Variants in KIF1C observed in about 807,000 individuals in gnomAD.
KIF1C encodes the protein kinesin family member 1C.
Under a neutral mutation model 126.5 loss-of-function variants are expected in KIF1C, and 61 were observed. The ratio of observed to expected loss-of-function variants is 0.48; its 90% CI spans 0.39 to 0.60. The LOEUF is 0.60. Among genes scored for constraint, KIF1C ranks in the 20% least tolerant of loss-of-function variants. The pLI is 0.00. For missense variants in KIF1C, 1,315 were observed against 1,489.2 expected (o/e 0.88, Z 1.93); for synonymous variants, 640 against 580.6 (o/e 1.10, Z -1.47).
chr17:5,026,970 T>C lies in KIF1C; in HGVS notation c.*2819T>C, dbSNP rs1340892851. 1 of 152,130 alleles carries C rather than the reference T, an allele frequency of 6.6e-6. No homozygotes were observed. The highest frequency in any genetic ancestry group is 2.1e-4 in the South Asian group (1 of 4,828). The allele number at this position is 152,130 out of a possible 1,614,324, so 9.4% of individuals were successfully genotyped here. On this transcript the variant is annotated 3_prime_UTR_variant, in exon 23 of 23. Coordinates refer to ENST00000320785, the MANE Select transcript of KIF1C (RefSeq NM_006612.6). The stretch of plus-strand genomic sequence containing the variant: ...CAAAAATAATACTGTGGGCAAACTT[T>C]ACTTAGATTTTATTCAGAGTAGTGC...
In KIF1C at chr17:5,022,496, C is replaced by G. The variant is rs777508180; in HGVS notation, c.2415C>G (p.Asp805Glu). The G allele has an allele frequency of 6.3e-7, 1 of 1,587,644 alleles. No individual in the cohort carries two copies. ...GGGCTGTGGCCCGGGATGTCTGGGACACTGTAGGCGAGGAGGAAGGAGGTG... is the reference window on the plus strand; with the variant it reads ...GGGCTGTGGCCCGGGATGTCTGGGAGACTGTAGGCGAGGAGGAAGGAGGTG... Reference protein sequence around the residue: ...AWRAVARDVWDTVGEEEGGGA... With the variant: ...AWRAVARDVWETVGEEEGGGA... Residue 805 changes from aspartate to glutamate, a missense_variant, in exon 22 of 23, where the codon GAC becomes GAG. Asp to Glu is a conservative substitution (Grantham distance 45). Coordinates refer to ENST00000320785, the MANE Select transcript of KIF1C (RefSeq NM_006612.6). This position sits in a 1 kb window ranked among gnomAD's most constrained non-coding sequence, Gnocchi z 4.9.
In KIF1C at chr17:5,025,652, AAAAAT is replaced by A. The variant is rs1975196476; in HGVS notation, c.*1506_*1510del. 6.6e-6 allele frequency: 1 copy of A among 152,034 alleles called. No homozygotes were observed. Among genetic ancestry groups the A allele is most frequent in the Non-Finnish European group, 1.5e-5 (1 of 68,028 alleles). The allele number at this position is 152,034 out of a possible 1,614,324, so 9.4% of individuals were successfully genotyped here. A position where few individuals can be genotyped will look rare whatever the true frequency, so the allele number is the denominator to read the frequency against. On this transcript the variant is annotated 3_prime_UTR_variant, in exon 23 of 23. Coordinates refer to ENST00000320785, the MANE Select transcript of KIF1C (RefSeq NM_006612.6). ...ATCATGGTGAAACCCCATCTCTACT[AAAAAT>A]AAAAATAAAAAAATTAGCCGGGCAT...
chr17:5,000,351 C>T lies in KIF1C; in HGVS notation c.105C>T (p.Thr35=), dbSNP rs1974550478. 6.3e-7 allele frequency: 1 copy of T among 1,575,276 alleles called. No individual in the cohort carries two copies. ...KCVVSMQGNT[T]SIINPKQSKD... is the part of the protein sequence containing the mutation. ...TGGTCAGCATGCAGGGCAACACCAC[C>T]TGTGAGTGAGTCCCCGGGGCCTGGC... The change falls in exon 3 of 23, where the codon ACC becomes ACT. Residue 35 remains threonine (T), a splice_region_variant and synonymous_variant. Coordinates refer to ENST00000320785, the MANE Select transcript of KIF1C (RefSeq NM_006612.6).
In KIF1C at chr17:5,015,142, CCTT is replaced by C. The variant is rs1210854028; in HGVS notation, c.1666+309_1666+311del. On this transcript the variant is annotated intron_variant, in intron 18 of 22. Transcript: ENST00000320785. Reference sequence around the variant, plus strand: ...GATTTTGCTGAAGAGAAGATCCTGCCCTTCTTGATCTTGTTCACCACAACTAGC... The same window carrying C: ...GATTTTGCTGAAGAGAAGATCCTGCCCTTGATCTTGTTCACCACAACTAGC... Among the ~76,000 whole-genome samples the C allele has an allele frequency of 2.6e-5, 4 of 152,246 alleles. No homozygotes were observed. In the South Asian group the frequency reaches 8.3e-4, roughly 32 times the overall value.
intron 11 of KIF1C, 120 bp downstream of exon 11, chr17:5,004,193 C>A (rs556014939): frequency 9.9e-6 from 8 of 804,998 alleles, no homozygotes; most frequent in South Asian, 8.3e-5. Context: ...ACTTCTCCCC[C>A]TGACCCTTCA....
intron 16 of KIF1C, chr17:5,011,973 C>A (rs565962138): frequency 6.6e-6 from 1 of 152,212 alleles, no homozygotes; most frequent in Non-Finnish European, 1.5e-5. Flanking sequence ...CACTTTGTTC[C>A]TCTTTGCATG....
rs533724781 is a variant in KIF1C, at chr17:5,022,551, G to A, written c.2470G>A (p.Gly824Arg). The change falls in exon 22 of 23, where the codon GGA becomes AGA. Residue 824 changes from glycine to arginine, a missense_variant. Physicochemically the swap from Gly to Arg is moderately radical, Grantham distance 125. Around this residue, in one of 2 missense-constraint regions of KIF1C, gnomAD observed 441 missense variants for 436.1 expected, o/e 1.01. Transcript: ENST00000320785. The surrounding 1 kb of genome is among the most constrained non-coding windows in gnomAD (Gnocchi z 4.9). Reference protein sequence around the residue: ...GAGSGGGSEEGARGAEVEDLR... With the variant: ...GAGSGGGSEERARGAEVEDLR... Reference sequence around the variant, plus strand: ...TGGCAGTGGTGGTGGCAGTGAGGAGGGAGCCCGAGGGGCGGAGGTGGAGGA... The same window carrying A: ...TGGCAGTGGTGGTGGCAGTGAGGAGAGAGCCCGAGGGGCGGAGGTGGAGGA... 2.4e-4 allele frequency: 383 copies of A among 1,589,404 alleles called. 3 individuals are homozygous for A. The South Asian group carries it at 4.1e-3, about 17-fold the overall frequency.
rs1291871672 is a variant in KIF1C, at chr17:5,002,497, C to G, written c.463C>G (p.Arg155Gly). The stretch of plus-strand genomic sequence containing the variant: ...TATGGAGATCTACTGTGAGCGGGTA[C>G]GAGACCTCTTGAACCCCAAGAGTCG... Reference protein sequence around the residue: ...SYMEIYCERVRDLLNPKSRGS... With the variant: ...SYMEIYCERVGDLLNPKSRGS... Residue 155 changes from arginine to glycine, a missense_variant, in exon 7 of 23, where the codon CGA becomes GGA. This residue lies in a region of KIF1C where 874 missense variants were observed against 1,053.2 expected (regional missense o/e 0.83). Transcript: ENST00000320785. 6.2e-7 allele frequency: 1 copy of G among 1,610,860 alleles called. No individual in the cohort carries two copies. The highest frequency in any genetic ancestry group is 1.3e-5 in the African/African-American group (1 of 74,838).
rs374636319 is a variant in KIF1C, at chr17:5,020,765, T to C, written c.1938-41T>C. On this transcript the variant is annotated intron_variant, in intron 20 of 22. Coordinates refer to ENST00000320785, the MANE Select transcript of KIF1C (RefSeq NM_006612.6). This position sits in a 1 kb window ranked among gnomAD's most constrained non-coding sequence, Gnocchi z 5.8. The stretch of plus-strand genomic sequence containing the variant: ...CCCGTGTCCTCCTCTTGTCAGATAC[T>C]CACCAAGGTTGCTCTTCCTTCCCTC... The C allele has an allele frequency of 1.3e-6, 2 of 1,599,488 alleles. No individual in the cohort carries two copies. The highest frequency in any genetic ancestry group is 2.3e-5 in the East Asian group (1 of 44,414).
chr17:5,016,309 G>T (rs2143364208), intron 18 of KIF1C, among the ~76,000 whole-genome samples: 1 of 151,660 alleles, frequency 6.6e-6, no homozygotes, highest in East Asian at 2.0e-4. Flanking sequence ...GGCTAATTTT[G>T]TATTTTTAGT....
intron 12 of KIF1C, 98 bp downstream of exon 12, chr17:5,004,743 A>G: frequency 6.3e-7 from 1 of 1,586,628 alleles, no homozygotes; most frequent in East Asian, 2.2e-5. Context: ...GACGGGGGAG[A>G]TGCCGGAGCC....
At chr17:5,014,119 C>T (rs1597856276) in intron 17 of KIF1C, 1 of 205,220 alleles carries the variant, frequency 4.9e-6, no homozygotes, top group Non-Finnish European at 9.7e-6. Flanking sequence ...GCATGTGGCT[C>T]CTTGGGCTGG....
intron 2 of KIF1C, 106 bp downstream of exon 2, chr17:5,000,076 G>C (rs561793140): frequency 1.7e-5 from 10 of 601,632 alleles, no homozygotes; most frequent in Non-Finnish European, 3.0e-5. Flanking sequence ...TGGGAGGAAA[G>C]CCAAGGGAAT....
chr17:5,006,729 G>C (rs1411115262), intron 13 of KIF1C, among the ~76,000 whole-genome samples, 186 bp from the exon 14 acceptor site: 1 of 152,302 alleles, frequency 6.6e-6, no homozygotes, highest in Non-Finnish European at 1.5e-5. Context: ...TGGAGTTCAA[G>C]TAGAGAGACT....
intron 21 of KIF1C, among the ~76,000 whole-genome samples, chr17:5,021,169 G>GGT (rs1975081644): frequency 1.3e-5 from 1 of 77,370 alleles, no homozygotes; most frequent in Non-Finnish European, 2.4e-5. Flanking sequence ...GATTGTTGTG[G>GGT]TTTTTTTTTT....
In KIF1C at chr17:5,015,276, T is replaced by G. The variant is rs936458835; in HGVS notation, c.1666+439T>G. Among the ~76,000 whole-genome samples the G allele has an allele frequency of 5.3e-5, 8 of 152,246 alleles. No individual in the cohort carries two copies. The East Asian group carries it at 1.3e-3, about 26-fold the overall frequency. ...GACTGCCGAGATTTCTTTTTCTTTT[T>G]CTTTTTCTTTTTCTTTTTTTTTTGA... On this transcript the variant is annotated intron_variant, in intron 18 of 22. Coordinates refer to ENST00000320785, the MANE Select transcript of KIF1C (RefSeq NM_006612.6).
intron 12 of KIF1C, 43 bp downstream of exon 12, chr17:5,004,688 A>T (rs1974684922): frequency 6.2e-7 from 1 of 1,601,990 alleles, no homozygotes; most frequent in Non-Finnish European, 8.6e-7. Flanking sequence ...GCATAGGAAG[A>T]GTGCCAGGAG....
At chr17:4,998,370 C>G (rs1038969476) in intron 1 of KIF1C, among the ~76,000 whole-genome samples, 1 of 152,166 alleles carries the variant, frequency 6.6e-6, no homozygotes, top group Admixed American at 6.5e-5. Flanking sequence ...AGAGGCCGGG[C>G]GGGGACCTGT....
At chr17:5,016,475 A>T (rs1296394944) in intron 18 of KIF1C, among the ~76,000 whole-genome samples, 9 of 147,412 alleles carry the variant, frequency 6.1e-5, no homozygotes, top group Admixed American at 6.0e-4. Context: ...CTAGTCTTGA[A>T]CTCCTGACCT....
Sources: gnomAD v4.1 joint callset for allele counts (sites outside exome capture counted in the v4.1 genomes callset) on GRCh38, gnomAD v4.1.1 for gene constraint, gnomAD v4.1.1 regional missense constraint, Gnocchi (gnomAD v3.1) non-coding constraint, MANE v1.5 for transcripts, NCBI Gene and HGNC (gene_info 2026-07-23, HGNC 2026-07-21) for gene names.